The following PCLO variants were observed in gnomAD, a reference collection of about 807,000 sequenced individuals.
The protein encoded by PCLO is piccolo presynaptic cytomatrix protein.
A neutral mutation model predicts 427.5 loss-of-function variants in PCLO; 82 were observed. That is an observed-to-expected ratio of 0.19 (90% confidence interval 0.16 to 0.23). The LOEUF is 0.23. Among genes scored for constraint, PCLO ranks in the 10% least tolerant of loss-of-function variants. The probability of loss-of-function intolerance (pLI) is 1.00; values close to 1 mark genes in which losing one functional copy is unlikely to be tolerated. For missense variants in PCLO, 6,239 were observed against 6,115.9 expected, an observed-to-expected ratio of 1.02 and a Z score of -0.67; for synonymous variants, 2,357 against 2,155.4, an observed-to-expected ratio of 1.09 and a Z score of -2.59.
intron 22 of PCLO, among the ~76,000 whole-genome samples, chr7:82,779,676 C>T (rs1442487899): frequency 1.3e-5 from 2 of 151,458 alleles, no homozygotes; most frequent in African/African-American, 2.4e-5. Flanking sequence ...AGGTTTACCA[C>T]CTCAATATTG....
chr7:82,952,083 T>C lies in PCLO; in HGVS notation c.8870A>G (p.Gln2957Arg), dbSNP rs1176035390. ...ATCCTCAGGAAGAGTAGTTGCAGGC[T>C]GCTGTGCTGTGCAGCTCCTTCCAAA... Reference protein sequence around the residue: ...LPFGRSCTAQQPATTLPEDRF... With the variant: ...LPFGRSCTAQRPATTLPEDRF... The change falls in exon 5 of 25, where the codon CAG (glutamine) becomes CGG (arginine). Residue 2957 changes from glutamine (Q) to arginine (R), a missense_variant. This residue lies in a region of PCLO where 4,677 missense variants were observed against 4,468.4 expected (regional missense o/e 1.05). Transcript: ENST00000333891. 6.2e-7 allele frequency: 1 copy of C among 1,613,884 alleles called. No individual in the cohort carries two copies. Among genetic ancestry groups the C allele is most frequent in the African/African-American group, 1.3e-5 (1 of 74,936 alleles).
chr7:82,796,879 GTTTTAATATAGTGTTTTGCATATAATAGA>G (rs1262284199), intron 22 of PCLO, among the ~76,000 whole-genome samples: 1 of 149,974 alleles, frequency 6.7e-6, no homozygotes, highest in African/African-American at 2.5e-5. Flanking sequence ...AGGATCCAAA[GTTTTAATATAGTGTTTTGCATATAATAGA>G]TACACTCATA....
intron 3 of PCLO, among the ~76,000 whole-genome samples, chr7:83,023,606 G>A (rs1451064601): frequency 2.0e-5 from 3 of 152,172 alleles, no homozygotes; most frequent in African/African-American, 4.8e-5. Flanking sequence ...ACAAAAGACT[G>A]TGCCACTCAG....
chr7:82,890,083 G>A (rs1793722231), intron 9 of PCLO, among the ~76,000 whole-genome samples: 1 of 151,398 alleles, frequency 6.6e-6, no homozygotes, highest in African/African-American at 2.4e-5. Context: ...ACATTTATAA[G>A]TATACATACA....
At chr7:82,759,774 C>T (rs573062288) in intron 24 of PCLO, among the ~76,000 whole-genome samples, 1 of 151,606 alleles carries the variant, frequency 6.6e-6, no homozygotes, top group South Asian at 2.1e-4. Context: ...ACTTTTATTC[C>T]TTGTCTCTAT....
rs1554333552 is a variant in PCLO, at chr7:82,794,459, C to CTGTTTTTTTTTTTTTT, written c.15007+7058_15007+7059insAAAAAAAAAAAAAACA. 5.9e-3 allele frequency among the ~76,000 whole-genome samples: 331 copies of CTGTTTTTTTTTTTTTT among 56,378 alleles called. 63 individuals are homozygous for CTGTTTTTTTTTTTTTT. The highest frequency in any genetic ancestry group is 0.01 in the Non-Finnish European group (253 of 24,454). The allele number at this position is 56,378 out of a possible 152,430, so 37.0% of individuals were successfully genotyped here. A position where few individuals can be genotyped will look rare whatever the true frequency, so the allele number is the denominator to read the frequency against. On this transcript the variant is annotated intron_variant, in intron 22 of 24. Transcript: ENST00000333891. ...ACATGCTAGTTCATAAATTTTTTTT[C>CTGTTTTTTTTTTTTTT]TTTTTTTTTTTTTTTTTTTTTTTTT...
chr7:82,832,874 T>A (rs188228242), intron 16 of PCLO, among the ~76,000 whole-genome samples: 7 of 150,778 alleles, frequency 4.6e-5, no homozygotes, highest in Admixed American at 4.6e-4. Flanking sequence ...CTGAGGTTAT[T>A]TCTCTTAATT....
chr7:82,907,237 A>G (rs747735378), intron 8 of PCLO, among the ~76,000 whole-genome samples: 1 of 151,990 alleles, frequency 6.6e-6, no homozygotes, highest in Non-Finnish European at 1.5e-5. Flanking sequence ...CTGCTTGTTA[A>G]TTACTAAACA....
chr7:83,073,781 TA>T (rs1257801542), intron 3 of PCLO, among the ~76,000 whole-genome samples: 5 of 151,188 alleles, frequency 3.3e-5, no homozygotes, highest in African/African-American at 1.2e-4. Context: ...TATTTTAACA[TA>T]AATTTTTTTA....
At chr7:82,866,696 ACC>A (rs1380517886) in intron 10 of PCLO, among the ~76,000 whole-genome samples, 1 of 140,438 alleles carries the variant, frequency 7.1e-6, no homozygotes, top group East Asian at 2.1e-4. Flanking sequence ...ACACACACAC[ACC>A]CCTTTAATAT....
intron 3 of PCLO, among the ~76,000 whole-genome samples, chr7:83,101,882 A>C (rs1379748574): frequency 6.6e-6 from 1 of 152,094 alleles, no homozygotes; most frequent in African/African-American, 2.4e-5. Context: ...AAAAGCTTAA[A>C]CTTGAATAAA....
intron 22 of PCLO, among the ~76,000 whole-genome samples, chr7:82,783,020 A>G (rs1790906071): frequency 1.3e-5 from 2 of 152,172 alleles, no homozygotes; most frequent in Admixed American, 1.3e-4. Flanking sequence ...GATGTTAGAC[A>G]TATTTTCTCC....
chr7:83,022,816 G>T (rs917084925), intron 3 of PCLO, among the ~76,000 whole-genome samples: 6 of 151,898 alleles, frequency 4.0e-5, no homozygotes, highest in Non-Finnish European at 5.9e-5. Flanking sequence ...AAGTGCCTCT[G>T]GCGTAAAAAA....
intron 16 of PCLO, among the ~76,000 whole-genome samples, chr7:82,835,135 G>A (rs150669004): frequency 5.3e-5 from 8 of 151,968 alleles, no homozygotes; most frequent in East Asian, 1.9e-4. Flanking sequence ...TAGTAGAGAC[G>A]GGGTTTCACT....
intron 3 of PCLO, among the ~76,000 whole-genome samples, chr7:83,055,222 G>A (rs2116283800): frequency 6.6e-6 from 1 of 152,130 alleles, no homozygotes; most frequent in Middle Eastern, 3.4e-3. Flanking sequence ...GGAATAAATG[G>A]GACGCCTTCT....
chr7:82,984,109 G>T (rs535090027), intron 3 of PCLO, among the ~76,000 whole-genome samples: 10 of 151,894 alleles, frequency 6.6e-5, no homozygotes, highest in African/African-American at 2.4e-4. Context: ...ATCTAACTAT[G>T]GTTATAACAA....
At chr7:82,776,488 A>G (rs1170695158) in intron 22 of PCLO, among the ~76,000 whole-genome samples, 2 of 152,034 alleles carry the variant, frequency 1.3e-5, no homozygotes, top group African/African-American at 4.8e-5. Context: ...ATGTAAAATA[A>G]TGTTTTAATA....
chr7:82,787,630 T>TAATCC (rs1358618165), intron 22 of PCLO, among the ~76,000 whole-genome samples: 7 of 152,192 alleles, frequency 4.6e-5, no homozygotes, highest in African/African-American at 1.7e-4. Context: ...CTGAGACTGC[T>TAATCC]AATCCATGTT....
intron 8 of PCLO, among the ~76,000 whole-genome samples, chr7:82,903,008 A>T (rs2116197827): frequency 6.6e-6 from 1 of 152,196 alleles, no homozygotes; most frequent in Admixed American, 6.6e-5. Flanking sequence ...TGCATGCAAT[A>T]GGTTCTGAAG....
Sources: gnomAD v4.1 joint callset for allele counts (sites outside exome capture counted in the v4.1 genomes callset) on GRCh38, gnomAD v4.1.1 for gene constraint, gnomAD v4.1.1 regional missense constraint, MANE v1.5 for transcripts, NCBI Gene and HGNC (gene_info 2026-07-23, HGNC 2026-07-21) for gene names.